EDEM3: variants seen among roughly 807,000 people sequenced by gnomAD.
EDEM3 encodes ER degradation-enhancing alpha-mannosidase-like protein 3.
In EDEM3, 60 loss-of-function variants were observed where a neutral mutation model predicts 110.2. The observed-to-expected ratio is 0.54, with a 90% CI of 0.44 to 0.67. EDEM3 has a LOEUF of 0.67. Among genes scored for constraint, EDEM3 ranks in the 30% least tolerant of loss-of-function variants. The pLI, the probability that EDEM3 is intolerant of heterozygous loss-of-function variation, is 0.00. For missense variants in EDEM3, 996 were observed against 1,121.0 expected (o/e 0.89, Z 1.59); for synonymous variants, 352 against 382.9 (o/e 0.92, Z 0.94).
chr1:184,710,519 G>A lies in EDEM3; in HGVS notation c.1720C>T (p.Pro574Ser), dbSNP rs140264427. The A allele has an allele frequency of 4.2e-5, 67 of 1,613,328 alleles. No homozygotes were observed. The highest frequency in any genetic ancestry group is 1.6e-4 in the Middle Eastern group (1 of 6,078). ...VEESFRSGAK[P>S]PLRARDFMAT... ...ATGAAATCTCTGGCTCTCAGAGGGG[G>A]TTTAGCTCCACTCCTGAAACTCTCC... The change falls in exon 16 of 20, where the codon CCC becomes TCC. Residue 574 changes from proline to serine, a missense_variant. By Grantham distance (74) the Pro-to-Ser change is moderately conservative. Coordinates refer to ENST00000318130, the MANE Select transcript of EDEM3 (RefSeq NM_025191.4).
At chr1:184,752,616 A>C (rs957280497) in intron 1 of EDEM3, among the ~76,000 whole-genome samples, 1 of 152,266 alleles carries the variant, frequency 6.6e-6, no homozygotes, top group Non-Finnish European at 1.5e-5. Context: ...ATTTTGGTCA[A>C]AAATGATTTA....
At chr1:184,747,644 A>G (rs941865297) in intron 2 of EDEM3, among the ~76,000 whole-genome samples, 1 of 152,222 alleles carries the variant, frequency 6.6e-6, no homozygotes, top group African/African-American at 2.4e-5. Flanking sequence ...GTTACTTTCA[A>G]GAGTTCCCAG....
intron 2 of EDEM3, among the ~76,000 whole-genome samples, chr1:184,745,743 G>A (rs1348068785): frequency 1.3e-5 from 2 of 152,052 alleles, no homozygotes; most frequent in African/African-American, 2.4e-5. Flanking sequence ...TGGTTATTAG[G>A]TACGATTCTA....
chr1:184,730,585 A>AAAAC (rs141282770), intron 6 of EDEM3, among the ~76,000 whole-genome samples: 1 of 152,150 alleles, frequency 6.6e-6, no homozygotes. Context: ...AGACTATCTC[A>AAAAC]AAACAAACAA....
chr1:184,719,247 T>C lies in EDEM3; in HGVS notation c.1078-2A>G. On this transcript the variant is annotated splice_acceptor_variant, in intron 10 of 19. Coordinates refer to ENST00000318130, the MANE Select transcript of EDEM3 (RefSeq NM_025191.4). LOFTEE classifies it high-confidence loss of function. The stretch of plus-strand genomic sequence containing the variant: ...AGGTCTAATATCCCCCTTTAACACC[T>C]AGAAATCAACAACAATAAAATTACC... The C allele has an allele frequency of 6.4e-7, 1 of 1,557,054 alleles. No homozygotes were observed. Among genetic ancestry groups the C allele is most frequent in the Non-Finnish European group, 8.7e-7 (1 of 1,155,554 alleles).
At chr1:184,711,696 T>G (rs754399101) in intron 15 of EDEM3, 27 bp downstream of exon 15, 2 of 1,542,890 alleles carry the variant, frequency 1.3e-6, no homozygotes, top group Non-Finnish European at 1.7e-6. Flanking sequence ...ACTTTGATAT[T>G]AGAAAATATA....
chr1:184,744,913 TA>T (rs1457950365), intron 2 of EDEM3, among the ~76,000 whole-genome samples: 1 of 152,068 alleles, frequency 6.6e-6, no homozygotes, highest in Admixed American at 6.6e-5. Flanking sequence ...TATGAAATCC[TA>T]GGAAAGAGAA....
chr1:184,717,916 T>C (rs1650642277), intron 11 of EDEM3, among the ~76,000 whole-genome samples: 1 of 152,000 alleles, frequency 6.6e-6, no homozygotes, highest in Non-Finnish European at 1.5e-5. Flanking sequence ...GTGGTAAACA[T>C]AATTGTGTTT....
At chr1:184,699,587 C>G (rs1184714037) in intron 19 of EDEM3, among the ~76,000 whole-genome samples, 1 of 151,918 alleles carries the variant, frequency 6.6e-6, no homozygotes, top group Non-Finnish European at 1.5e-5. Context: ...TTTCCAACAG[C>G]AACTTAAGGT....
At chr1:184,696,538 T>C (rs898551875) in intron 19 of EDEM3, among the ~76,000 whole-genome samples, 1 of 151,914 alleles carries the variant, frequency 6.6e-6, no homozygotes, top group Non-Finnish European at 1.5e-5. Flanking sequence ...CCTGATTAGA[T>C]GGGATTACTT....
chr1:184,748,393 G>C (rs1294984185), intron 2 of EDEM3, among the ~76,000 whole-genome samples: 4 of 151,652 alleles, frequency 2.6e-5, no homozygotes, highest in African/African-American at 9.7e-5. Context: ...GCTGCAGTGA[G>C]CTGAGATAGT....
At chr1:184,750,075 A>G (rs900552721) in intron 1 of EDEM3, among the ~76,000 whole-genome samples, 1 of 152,244 alleles carries the variant, frequency 6.6e-6, no homozygotes, top group African/African-American at 2.4e-5. Context: ...ACAACGCTTT[A>G]TGAAGCCTCT....
intron 2 of EDEM3, 90 bp downstream of exon 2, chr1:184,749,457 T>G (rs1233252872): frequency 1.0e-6 from 1 of 998,536 alleles, no homozygotes; most frequent in Admixed American, 3.2e-5. Context: ...AAAATGTAAT[T>G]GTATTGTAGG....
At chr1:184,739,486 A>G (rs943183078) in intron 2 of EDEM3, among the ~76,000 whole-genome samples, 2 of 151,746 alleles carry the variant, frequency 1.3e-5, no homozygotes, top group Non-Finnish European at 2.9e-5. Flanking sequence ...TTTTACTGAA[A>G]TTTTAATTGG....
intron 15 of EDEM3, among the ~76,000 whole-genome samples, 176 bp from the exon 16 acceptor site, chr1:184,710,723 TC>T (rs1348517014): frequency 6.6e-6 from 1 of 152,230 alleles, no homozygotes; most frequent in Admixed American, 6.5e-5. Context: ...GGTATAGCTT[TC>T]AAATATAACA....
In EDEM3 at chr1:184,692,811, A is replaced by T. The variant is rs1228106818; in HGVS notation, c.*1252T>A. 1 of 146,644 alleles carries T rather than the reference A, an allele frequency of 6.8e-6. No homozygotes were observed. The highest frequency in any genetic ancestry group is 1.5e-5 in the Non-Finnish European group (1 of 66,562). 9.1% of individuals were successfully genotyped at this position (146,644 alleles called of 1,614,324 possible). A position where few individuals can be genotyped will look rare whatever the true frequency, so the allele number is the denominator to read the frequency against. On this transcript the variant is annotated 3_prime_UTR_variant, in exon 20 of 20. Transcript: ENST00000318130. ...CCAAAAAAAAAAAGGGGGGGGGTGG[A>T]AGTCTCATTAAGCTATATAGCTATA...
intron 4 of EDEM3, among the ~76,000 whole-genome samples, chr1:184,735,868 T>C (rs1448826167): frequency 2.0e-5 from 3 of 152,186 alleles, no homozygotes; most frequent in Non-Finnish European, 4.4e-5. Context: ...CTAATTCTTC[T>C]CCCTGGGTTT....
At chr1:184,695,971 T>G (rs78599523) in intron 19 of EDEM3, among the ~76,000 whole-genome samples, 1 of 152,134 alleles carries the variant, frequency 6.6e-6, no homozygotes, top group East Asian at 1.9e-4. Context: ...AGAACCAGTC[T>G]GTCTCTGACC....
intron 1 of EDEM3, among the ~76,000 whole-genome samples, chr1:184,753,576 A>G (rs1652897150): frequency 6.6e-6 from 1 of 152,098 alleles, no homozygotes; most frequent in Non-Finnish European, 1.5e-5. Context: ...AGTTACAGCA[A>G]TTTACACTCT....
Sources: gnomAD v4.1 joint callset for allele counts (sites outside exome capture counted in the v4.1 genomes callset) on GRCh38, gnomAD v4.1.1 for gene constraint, MANE v1.5 for transcripts, NCBI Gene and HGNC (gene_info 2026-07-23, HGNC 2026-07-21) for gene names.